The following SCAMP1 variants were observed in gnomAD, a reference collection of about 807,000 sequenced individuals.
The protein encoded by SCAMP1 is secretory carrier-associated membrane protein 1.
Under a neutral mutation model 41.8 loss-of-function variants are expected in SCAMP1, and 15 were observed. The observed-to-expected ratio is 0.36, with a 90% CI of 0.24 to 0.55. The LOEUF (loss-of-function observed/expected upper bound fraction) is 0.55, where lower values mean the gene tolerates loss of function less well. SCAMP1 is among the 20% of genes least tolerant of loss of function. The probability of loss-of-function intolerance (pLI) is 0.86; values close to 1 mark genes in which losing one functional copy is unlikely to be tolerated. For synonymous variants in SCAMP1, 135 were observed against 136.8 expected, an observed-to-expected ratio of 0.99 and a Z score of 0.09; for missense variants, 341 against 412.6, an observed-to-expected ratio of 0.83 and a Z score of 1.50.
chr5:78,401,222 T>C (rs1000135304), intron 2 of SCAMP1, among the ~76,000 whole-genome samples: 1 of 152,162 alleles, frequency 6.6e-6, no homozygotes, highest in African/African-American at 2.4e-5. Flanking sequence ...GTTTCATATA[T>C]GGTTGGATTC....
Position 78,456,345 on chromosome 5 carries a change from G to A in SCAMP1, c.735-2900G>A, listed in dbSNP as rs182962711. On this transcript the variant is annotated intron_variant, in intron 7 of 8. Transcript: ENST00000621999. ...TACCGGTTGTTCTTTTCCATGTTTAGCGTTTCCTTCAGGAACTCTTTTAGG... is the reference window on the plus strand; with the variant it reads ...TACCGGTTGTTCTTTTCCATGTTTAACGTTTCCTTCAGGAACTCTTTTAGG... Among the ~76,000 whole-genome samples, 306 of 152,098 alleles carry A rather than the reference G, an allele frequency of 2.0e-3. 1 individual carries two copies. The highest frequency in any genetic ancestry group is 6.8e-3 in the African/African-American group (284 of 41,468).
chr5:78,367,673 C>T (rs933899990), intron 1 of SCAMP1, among the ~76,000 whole-genome samples: 4 of 152,214 alleles, frequency 2.6e-5, no homozygotes, highest in African/African-American at 7.2e-5. Context: ...CACTTCTTGA[C>T]TGGAGACAGA....
rs1365521588 is a variant in SCAMP1 at position 78,415,619 on chromosome 5, G to A, written c.234+1G>A. ...TCCAGCTTATACACAGATTGCAAAG[G>A]TTAGTTCATGTTAGTTGTATAAATT... On this transcript the variant is annotated splice_donor_variant, in intron 3 of 8. Transcript: ENST00000621999. LOFTEE classifies it high-confidence loss of function. 6.6e-7 allele frequency: 1 copy of A among 1,522,330 alleles called. No homozygotes were observed. Among genetic ancestry groups the A allele is most frequent in the Non-Finnish European group, 9.0e-7 (1 of 1,108,732 alleles). 94.3% of individuals were successfully genotyped at this position (1,522,330 alleles called of 1,614,324 possible). A position where few individuals can be genotyped will look rare whatever the true frequency, so the allele number is the denominator to read the frequency against.
chr5:78,377,657 G>C (rs889046308), intron 1 of SCAMP1, among the ~76,000 whole-genome samples: 1 of 152,108 alleles, frequency 6.6e-6, no homozygotes, highest in East Asian at 1.9e-4. Context: ...GGTATTTTTT[G>C]TCCTATTCAT....
At chr5:78,386,428 G>T (rs1465242862) in intron 1 of SCAMP1, among the ~76,000 whole-genome samples, 3 of 152,090 alleles carry the variant, frequency 2.0e-5, no homozygotes, top group Non-Finnish European at 4.4e-5. Context: ...CCTTTAAGTG[G>T]AGCATTTAAG....
At chr5:78,471,720 A>C (rs544381736) in intron 8 of SCAMP1, among the ~76,000 whole-genome samples, 1 of 152,306 alleles carries the variant, frequency 6.6e-6, no homozygotes, top group South Asian at 2.1e-4. Context: ...GGACTCCTTT[A>C]TGGAGCCGCA....
chr5:78,433,702 G>T (rs972988400), intron 6 of SCAMP1, among the ~76,000 whole-genome samples: 2 of 151,818 alleles, frequency 1.3e-5, no homozygotes, highest in African/African-American at 4.8e-5. Flanking sequence ...GCTTCTCTTC[G>T]CACACTCTTC....
intron 6 of SCAMP1, among the ~76,000 whole-genome samples, chr5:78,432,475 G>T (rs1429618188): frequency 6.6e-6 from 1 of 152,014 alleles, no homozygotes; most frequent in Non-Finnish European, 1.5e-5. Flanking sequence ...TATAATATGG[G>T]TTCACAGGTA....
At chr5:78,396,718 G>A (rs1027577313) in intron 2 of SCAMP1, among the ~76,000 whole-genome samples, 19 of 152,192 alleles carry the variant, frequency 1.2e-4, no homozygotes, top group African/African-American at 4.6e-4. Flanking sequence ...AGGTGGAAGG[G>A]CAGGAGGAGA....
At chr5:78,469,930 A>AAAAAAAAAAAAAC (rs1753842741) in intron 8 of SCAMP1, among the ~76,000 whole-genome samples, 1 of 21,056 alleles carries the variant, frequency 4.7e-5, no homozygotes, top group African/African-American at 3.0e-4. Flanking sequence ...AAAAAAAAAA[A>AAAAAAAAAAAAAC]AACAACAACA....
chr5:78,435,928 T>G (rs946628283), intron 6 of SCAMP1, among the ~76,000 whole-genome samples: 1 of 152,254 alleles, frequency 6.6e-6, no homozygotes, highest in Non-Finnish European at 1.5e-5. Context: ...CTAACTGGCG[T>G]GAGATGGTAT....
chr5:78,480,254 G>C lies in SCAMP1; in HGVS notation c.*4586G>C, dbSNP rs1378765947. ...CACTAAAAGCCATTTAATCTTTTCT[G>C]TAATAGGAGCAGAAAATAGTTAATC... is the stretch of plus-strand genomic sequence containing the variant. On this transcript the variant is annotated 3_prime_UTR_variant, in exon 9 of 9. Transcript: ENST00000621999. Among the ~76,000 whole-genome samples, 3 of 152,134 alleles carry C rather than the reference G, an allele frequency of 2.0e-5. No individual in the cohort carries two copies. Among genetic ancestry groups the C allele is most frequent in the East Asian group, 3.8e-4 (2 of 5,202 alleles).
At chr5:78,420,847 A>C (rs1452347201) in intron 5 of SCAMP1, among the ~76,000 whole-genome samples, 1 of 152,184 alleles carries the variant, frequency 6.6e-6, no homozygotes, top group Non-Finnish European at 1.5e-5. Flanking sequence ...AGAAATCTTA[A>C]AGTTTGAGAT....
intron 1 of SCAMP1, among the ~76,000 whole-genome samples, chr5:78,373,463 C>G (rs1750993417): frequency 6.6e-6 from 1 of 150,796 alleles, no homozygotes; most frequent in Non-Finnish European, 1.5e-5. Flanking sequence ...AGGAAAGTTG[C>G]TATGTAGGAA....
intron 2 of SCAMP1, among the ~76,000 whole-genome samples, chr5:78,409,784 T>C (rs1580672483): frequency 6.6e-6 from 1 of 152,190 alleles, no homozygotes; most frequent in African/African-American, 2.4e-5. Context: ...TATCTACTAG[T>C]TTATTATACT....
intron 1 of SCAMP1, among the ~76,000 whole-genome samples, chr5:78,362,268 A>G (rs1750676666): frequency 6.6e-6 from 1 of 152,366 alleles, no homozygotes; most frequent in Non-Finnish European, 1.5e-5. Context: ...TTCCTAATTC[A>G]GATAATTCAC....
chr5:78,457,529 G>A (rs1165099292), intron 7 of SCAMP1, among the ~76,000 whole-genome samples: 1 of 152,082 alleles, frequency 6.6e-6, no homozygotes, highest in Admixed American at 6.5e-5. Flanking sequence ...AGTTGAGGAG[G>A]CAGTCTGCCC....
At chr5:78,360,964 C>T in intron 1 of SCAMP1, 2 of 528,342 alleles carry the variant, frequency 3.8e-6, no homozygotes. Context: ...TCCACACGTC[C>T]CCGACTGGTG....
chr5:78,467,976 A>G (rs1753787438), intron 8 of SCAMP1, among the ~76,000 whole-genome samples: 1 of 152,190 alleles, frequency 6.6e-6, no homozygotes, highest in South Asian at 2.1e-4. Flanking sequence ...AATGCCCTCT[A>G]ACCGTAATCT....
Sources: gnomAD v4.1 joint callset for allele counts (sites outside exome capture counted in the v4.1 genomes callset) on GRCh38, gnomAD v4.1.1 for gene constraint, MANE v1.5 for transcripts, NCBI Gene and HGNC (gene_info 2026-07-23, HGNC 2026-07-21) for gene names.